FXR2: variants seen among roughly 807,000 people sequenced by gnomAD.
FXR2 encodes RNA-binding protein FXR2.
A neutral mutation model predicts 87.3 loss-of-function variants in FXR2; 9 were observed. The ratio of observed to expected loss-of-function variants is 0.10; its 90% confidence interval spans 0.06 to 0.18. The LOEUF is 0.18. Ranked by LOEUF, FXR2 falls within the 10% of genes least tolerant of loss-of-function variation. The pLI is 1.00. For missense variants in FXR2, 661 were observed against 893.6 expected (o/e 0.74, Z 3.32); for synonymous variants, 331 against 328.3 (o/e 1.01, Z -0.09).
chr17:7,603,721 A>G, intron 5 of FXR2, 36 bp downstream of exon 5: 1 of 1,606,344 alleles, frequency 6.2e-7, no homozygotes, highest in Non-Finnish European at 8.5e-7. Flanking sequence ...TAGGGCTGTA[A>G]AGAGGGCCCT....
Position 7,605,745 on chromosome 17 carries a change from T to G in FXR2, c.135-7A>C. The G allele has an allele frequency of 6.7e-7, 1 of 1,482,764 alleles. No individual in the cohort carries two copies. The highest frequency in any genetic ancestry group is 1.4e-5 in the African/African-American group (1 of 72,568). The allele number at this position is 1,482,764 out of a possible 1,614,324, so 91.9% of individuals were successfully genotyped here. ...TTGTCTCTCACTCTGCCAGCTATAATAGAAACAATAATATGAAAAAGCTAC... is the reference window on the plus strand; with the variant it reads ...TTGTCTCTCACTCTGCCAGCTATAAGAGAAACAATAATATGAAAAAGCTAC... On this transcript the variant is annotated splice_polypyrimidine_tract_variant and splice_region_variant and intron_variant, in intron 2 of 16. Transcript: ENST00000250113.
intron 1 of FXR2, among the ~76,000 whole-genome samples, chr17:7,609,939 TAC>T (rs1208415589): frequency 4.4e-5 from 5 of 114,760 alleles, no homozygotes; most frequent in African/African-American, 1.0e-4. Flanking sequence ...TGTATATATA[TAC>T]ATGTATATGT....
Position 7,594,416 on chromosome 17 carries a change from C to T in FXR2, c.911-69G>A, listed in dbSNP as rs553790492. 17 of 921,886 alleles carry T rather than the reference C, an allele frequency of 1.8e-5. No homozygotes were observed. The highest frequency in any genetic ancestry group is 6.4e-5 in the Admixed American group (3 of 46,974). 57.1% of individuals were successfully genotyped at this position (921,886 alleles called of 1,614,324 possible). ...GGAAATAAGAATAAAGCTGATACAC[C>T]GTCTTCCAGCCTCATTTTCTTTATA... On this transcript the variant is annotated intron_variant, in intron 9 of 16. Transcript: ENST00000250113. This position sits in a 1 kb window ranked among gnomAD's most constrained non-coding sequence, Gnocchi z 5.1.
Position 7,593,972 on chromosome 17 carries a change from T to G in FXR2, c.1053A>C (p.Arg351=). 6.2e-7 allele frequency: 1 copy of G among 1,611,030 alleles called. No homozygotes were observed. Among genetic ancestry groups the G allele is most frequent in the Non-Finnish European group, 8.5e-7 (1 of 1,177,222 alleles). ...AAGCCTGGGCATTGCTGATGTTCTC[T>G]CGGGTGCCAACAAAAATGAAGGGAA... ...GMVPFIFVGT[R]ENISNAQALL... The change falls in exon 11 of 17, where the codon CGA becomes CGC. Residue 351 remains arginine, a synonymous_variant. Coordinates refer to ENST00000250113, the MANE Select transcript of FXR2 (RefSeq NM_004860.4). This position sits in a 1 kb window ranked among gnomAD's most constrained non-coding sequence, Gnocchi z 6.1.
rs1392251378 is a variant in FXR2 at position 7,594,207 on chromosome 17, A to G, written c.1020+31T>C. 8 of 1,289,062 alleles carry G rather than the reference A, an allele frequency of 6.2e-6. No homozygotes were observed. The highest frequency in any genetic ancestry group is 1.8e-4 in the Middle Eastern group (1 of 5,408). 79.9% of individuals were successfully genotyped at this position (1,289,062 alleles called of 1,614,324 possible). A position where few individuals can be genotyped will look rare whatever the true frequency, so the allele number is the denominator to read the frequency against. On this transcript the variant is annotated intron_variant, in intron 10 of 16. Transcript: ENST00000250113. This position sits in a 1 kb window ranked among gnomAD's most constrained non-coding sequence, Gnocchi z 5.1. Reference sequence around the variant, plus strand: ...CAATCCCATTTACTTCTGGAAACCAATCTCTATGCCCACTTGCCCCGTACC... The same window carrying G: ...CAATCCCATTTACTTCTGGAAACCAGTCTCTATGCCCACTTGCCCCGTACC...
intron 1 of FXR2, among the ~76,000 whole-genome samples, chr17:7,610,211 G>A (rs533346410): frequency 3.9e-5 from 6 of 152,038 alleles, no homozygotes; most frequent in South Asian, 4.1e-4. Flanking sequence ...AGCCTCTTCC[G>A]CTGACTTTAT....
chr17:7,591,651 G>A lies in FXR2; in HGVS notation c.*179C>T. 1 of 637,110 alleles carries A rather than the reference G, an allele frequency of 1.6e-6. No homozygotes were observed. Among genetic ancestry groups the A allele is most frequent in the South Asian group, 1.8e-5 (1 of 56,404 alleles). 39.5% of individuals were successfully genotyped at this position (637,110 alleles called of 1,614,324 possible). A position where few individuals can be genotyped will look rare whatever the true frequency, so the allele number is the denominator to read the frequency against. Reference sequence around the variant, plus strand: ...GGGTAGGGTGGACAAGAGGGAGGGGGTATGACCCTGTTACACACCCCTCCA... The same window carrying A: ...GGGTAGGGTGGACAAGAGGGAGGGGATATGACCCTGTTACACACCCCTCCA... On this transcript the variant is annotated 3_prime_UTR_variant, in exon 17 of 17. Coordinates refer to ENST00000250113, the MANE Select transcript of FXR2 (RefSeq NM_004860.4). The surrounding 1 kb of genome is among the most constrained non-coding windows in gnomAD (Gnocchi z 4.0).
At chr17:7,614,390 T>C in intron 1 of FXR2, 62 bp downstream of exon 1, 1 of 1,249,226 alleles carries the variant, frequency 8.0e-7, no homozygotes, top group Non-Finnish European at 1.1e-6. Context: ...GCCCCACGCG[T>C]TCCTGCTCCG....
rs184513651 is a variant in FXR2, at chr17:7,592,486, T to A, written c.1825+18A>T. ...TCTCAGCTCTGAGGAAGGATTCTGG[T>A]GTCCAGAGTTGGCTGACCTGGCTGG... On this transcript the variant is annotated intron_variant, in intron 15 of 16. Transcript: ENST00000250113. The surrounding 1 kb of genome is among the most constrained non-coding windows in gnomAD (Gnocchi z 4.8). 1.2e-6 allele frequency: 2 copies of A among 1,606,622 alleles called. No homozygotes were observed. The highest frequency in any genetic ancestry group is 2.7e-5 in the African/African-American group (2 of 74,908).
rs1243163699 is a variant in FXR2 at position 7,609,928 on chromosome 17, ATG to A, written c.82-3781_82-3780del. ...CATATATATGTATATATACATGTAT[ATG>A]TATATATATACATGTATATGTATAC... On this transcript the variant is annotated intron_variant, in intron 1 of 16. Coordinates refer to ENST00000250113, the MANE Select transcript of FXR2 (RefSeq NM_004860.4). 3.3e-5 allele frequency among the ~76,000 whole-genome samples: 4 copies of A among 122,852 alleles called. No individual in the cohort carries two copies. The Admixed American group carries it at 3.6e-4, about 11-fold the overall frequency. The allele number at this position is 122,852 out of a possible 152,430, so 80.6% of individuals were successfully genotyped here.
chr17:7,605,494 G>T, intron 3 of FXR2, 151 bp downstream of exon 3: 1 of 570,590 alleles, frequency 1.8e-6, no homozygotes. Context: ...TCACAACAGT[G>T]ATAAAAGGGG....
At chr17:7,612,719 G>A (rs982180484) in intron 1 of FXR2, among the ~76,000 whole-genome samples, 10 of 151,984 alleles carry the variant, frequency 6.6e-5, no homozygotes, top group African/African-American at 9.7e-5. Context: ...TACAATGGCC[G>A]GGCGCGGTGG....
At chr17:7,600,178 C>T (rs578101305) in intron 7 of FXR2, among the ~76,000 whole-genome samples, 5 of 151,898 alleles carry the variant, frequency 3.3e-5, no homozygotes, top group South Asian at 2.1e-4. Context: ...GGATTACAGA[C>T]GTGGGCCACC....
In FXR2 at chr17:7,610,008, A is replaced by ATATATACATGTATATGTATACATGTATG. The variant is rs1567754062; in HGVS notation, c.82-3860_82-3859insCATACATGTATACATATACATGTATATA. 3.9e-3 allele frequency among the ~76,000 whole-genome samples: 294 copies of ATATATACATGTATATGTATACATGTATG among 75,640 alleles called. 6 individuals carry two copies. The highest frequency in any genetic ancestry group is 0.012 in the African/African-American group (268 of 22,930). The allele number at this position is 75,640 out of a possible 152,430, so 49.6% of individuals were successfully genotyped here. A position where few individuals can be genotyped will look rare whatever the true frequency, so the allele number is the denominator to read the frequency against. ...TATATATACATGTATATGTATACAT[A>ATATATACATGTATATGTATACATGTATG]TATATATACATGTATATGTATACAT... On this transcript the variant is annotated intron_variant, in intron 1 of 16. Transcript: ENST00000250113.
intron 5 of FXR2, 106 bp downstream of exon 5, chr17:7,603,651 G>A: frequency 3.8e-6 from 4 of 1,051,240 alleles, no homozygotes; most frequent in Admixed American, 2.1e-5. Flanking sequence ...AGAGGGCCAG[G>A]GGAACAACAG....
Position 7,592,658 on chromosome 17 carries a change from C to A in FXR2, c.1729+36G>T. On this transcript the variant is annotated intron_variant, in intron 14 of 16. Coordinates refer to ENST00000250113, the MANE Select transcript of FXR2 (RefSeq NM_004860.4). This position sits in a 1 kb window ranked among gnomAD's most constrained non-coding sequence, Gnocchi z 4.8. ...CAACCTCCCACCCTCGATTCCTACC[C>A]ATCTCTAACTTTCCAGACCCCAGGC... is the stretch of plus-strand genomic sequence containing the variant. 3 of 1,612,728 alleles carry A rather than the reference C, an allele frequency of 1.9e-6. No individual in the cohort carries two copies. In the South Asian group the frequency reaches 3.3e-5, roughly 18 times the overall value.
At chr17:7,604,461 G>A (rs1311990297) in intron 3 of FXR2, among the ~76,000 whole-genome samples, 1 of 152,002 alleles carries the variant, frequency 6.6e-6, no homozygotes, top group Non-Finnish European at 1.5e-5. Flanking sequence ...TTTGGCTGAG[G>A]TGGGCTGATC....
At chr17:7,603,366 A>G (rs1369122339) in intron 5 of FXR2, among the ~76,000 whole-genome samples, 3 of 152,018 alleles carry the variant, frequency 2.0e-5, no homozygotes, top group African/African-American at 7.2e-5. Context: ...TGTCTCTACT[A>G]AAAATACAAA....
At chr17:7,606,297 A>G in intron 1 of FXR2, 148 bp from the exon 2 acceptor site, 1 of 620,028 alleles carries the variant, frequency 1.6e-6, no homozygotes, top group Non-Finnish European at 2.8e-6. Context: ...GAAAGGCTGC[A>G]CTGGGGAAAG....
Sources: gnomAD v4.1 joint callset for allele counts (sites outside exome capture counted in the v4.1 genomes callset) on GRCh38, gnomAD v4.1.1 for gene constraint, Gnocchi (gnomAD v3.1) non-coding constraint, MANE v1.5 for transcripts, NCBI Gene and HGNC (gene_info 2026-07-23, HGNC 2026-07-21) for gene names.